PDE4D: variants seen among roughly 807,000 people sequenced by gnomAD.
The protein encoded by PDE4D is phosphodiesterase 4D.
In PDE4D, 24 loss-of-function variants were observed where a neutral mutation model predicts 87.4. The ratio of observed to expected loss-of-function variants is 0.27; its 90% CI spans 0.20 to 0.39. The LOEUF (loss-of-function observed/expected upper bound fraction) is 0.39, where lower values mean the gene tolerates loss of function less well. PDE4D is among the 10% of genes least tolerant of loss of function. The pLI is 1.00. For missense variants in PDE4D, 714 were observed against 1,041.0 expected, an observed-to-expected ratio of 0.69 and a Z score of 4.32; for synonymous variants, 384 against 383.2, an observed-to-expected ratio of 1.00 and a Z score of -0.02.
chr5:59,544,062 A>G (rs955849567), intron 1 of PDE4D, among the ~76,000 whole-genome samples: 16 of 152,194 alleles, frequency 1.1e-4, no homozygotes, highest in Non-Finnish European at 2.2e-4. Flanking sequence ...TGTGGCAACA[A>G]AATGCTACAT....
intron 1 of PDE4D, among the ~76,000 whole-genome samples, chr5:60,345,907 C>A (rs1295791513): frequency 2.6e-5 from 4 of 152,006 alleles, no homozygotes; most frequent in Non-Finnish European, 5.9e-5. Context: ...ATCCAAATTT[C>A]TATTTAAATG....
intron 2 of PDE4D, among the ~76,000 whole-genome samples, chr5:60,018,362 C>T (rs1236132244): frequency 6.6e-6 from 1 of 152,088 alleles, no homozygotes; most frequent in Non-Finnish European, 1.5e-5. Context: ...AAAGGAGAAA[C>T]CATTACAAAC....
intron 2 of PDE4D, among the ~76,000 whole-genome samples, chr5:60,157,703 AG>A (rs1282107830): frequency 6.6e-6 from 1 of 152,162 alleles, no homozygotes; most frequent in Non-Finnish European, 1.5e-5. Context: ...TAAACTTCCT[AG>A]ATTTCATGGT....
chr5:59,237,785 GTGTGTGTGT>G (rs1561783023), intron 1 of PDE4D, among the ~76,000 whole-genome samples: 13,330 of 146,868 alleles, frequency 0.091, 726 homozygotes, highest in South Asian at 0.2. Flanking sequence ...TCATATAGGT[GTGTGTGTGT>G]GTGTGTGTGT....
chr5:59,317,210 T>G (rs1221752757), intron 1 of PDE4D, among the ~76,000 whole-genome samples: 1 of 152,178 alleles, frequency 6.6e-6, no homozygotes, highest in Non-Finnish European at 1.5e-5. Flanking sequence ...GGGCACCAGT[T>G]GGCAAGAAGG....
chr5:59,953,565 A>C (rs908936019), intron 3 of PDE4D, among the ~76,000 whole-genome samples: 1 of 152,206 alleles, frequency 6.6e-6, no homozygotes, highest in Non-Finnish European at 1.5e-5. Flanking sequence ...ATTCTTCAGT[A>C]AGCTTGTAAA....
At chr5:59,265,262 C>T (rs933736282) in intron 1 of PDE4D, among the ~76,000 whole-genome samples, 3 of 151,962 alleles carry the variant, frequency 2.0e-5, no homozygotes, top group Non-Finnish European at 4.4e-5. Context: ...AGAGGGTTCT[C>T]ATTGAGTTTT....
rs758187922 is a variant in PDE4D at position 59,933,207 on chromosome 5, AG to A, written c.272+55280del. On this transcript the variant is annotated intron_variant, in intron 3 of 16. Coordinates refer to the PDE4D transcript ENST00000502484. Reference sequence around the variant, plus strand: ...GATTTGATTGCTAGCACTAAGGCAGAGGAAAACATTACAGTTTGAGAAGATA... The same window carrying A: ...GATTTGATTGCTAGCACTAAGGCAGAGAAAACATTACAGTTTGAGAAGATA... Among the ~76,000 whole-genome samples, 3 of 152,238 alleles carry A rather than the reference AG, an allele frequency of 2.0e-5. No homozygotes were observed. In the East Asian group the frequency reaches 5.8e-4, roughly 29 times the overall value.
intron 1 of PDE4D, among the ~76,000 whole-genome samples, chr5:59,838,156 A>C (rs1233756586): frequency 6.6e-6 from 1 of 152,092 alleles, no homozygotes; most frequent in Non-Finnish European, 1.5e-5. Context: ...TTCTGATGAT[A>C]CTGGAAGAAG....
chr5:60,193,951 A>G (rs1740893042), intron 1 of PDE4D, among the ~76,000 whole-genome samples: 1 of 151,134 alleles, frequency 6.6e-6, no homozygotes, highest in South Asian at 2.1e-4. Flanking sequence ...TTCTCCTCCT[A>G]TGAGGAGTCC....
intron 1 of PDE4D, among the ~76,000 whole-genome samples, chr5:60,356,976 CA>C (rs1306790901): frequency 1.3e-5 from 2 of 152,084 alleles, no homozygotes; most frequent in Non-Finnish European, 2.9e-5. Context: ...CTACTAGCTC[CA>C]ATGTCATAAA....
chr5:59,237,796 T>G lies in PDE4D; in HGVS notation c.456-21828A>C, dbSNP rs1282026959. Among the ~76,000 whole-genome samples, 58 of 69,700 alleles carry G rather than the reference T, an allele frequency of 8.3e-4. 1 individual carries two copies. Among genetic ancestry groups the G allele is most frequent in the East Asian group, 2.2e-4 (1 of 4,472 alleles). 45.7% of individuals were successfully genotyped at this position (69,700 alleles called of 152,430 possible). On this transcript the variant is annotated intron_variant, in intron 1 of 14. Transcript: ENST00000340635. ...GCCCTCATATAGGTGTGTGTGTGTG[T>G]GTGTGTGTGTGTGTGTGTGTGTGTG... is the stretch of plus-strand genomic sequence containing the variant.
intron 2 of PDE4D, among the ~76,000 whole-genome samples, chr5:60,070,683 G>C (rs1408923641): frequency 6.6e-6 from 1 of 151,952 alleles, no homozygotes; most frequent in Non-Finnish European, 1.5e-5. Context: ...TCTGACTTTA[G>C]TATCAGAGTA....
intron 1 of PDE4D, among the ~76,000 whole-genome samples, chr5:59,574,113 TATATAA>T (rs1481876274): frequency 1.0e-3 from 5 of 4,982 alleles, no homozygotes; most frequent in Admixed American, 7.0e-3. Flanking sequence ...TTTATATATA[TATATAA>T]ATATATATTT....
intron 5 of PDE4D, among the ~76,000 whole-genome samples, chr5:59,156,318 A>ATATAT (rs530343458): frequency 7.0e-4 from 15 of 21,308 alleles, no homozygotes; most frequent in African/African-American, 3.0e-3. Context: ...AGAAAAAAAA[A>ATATAT]AAATATATAT....
At position 59,187,937 on chromosome 5, in the gene PDE4D, C is replaced by T. The variant is rs554585141; in HGVS notation, c.685-2675G>A. ...TTGTCTTGGGCCTCGCTGACTGACTCTTGGTGTCGTCATCACTGTTATCAC... is the reference window on the plus strand; with the variant it reads ...TTGTCTTGGGCCTCGCTGACTGACTTTTGGTGTCGTCATCACTGTTATCAC... On this transcript the variant is annotated intron_variant, in intron 3 of 14. Coordinates refer to ENST00000340635, the MANE Select transcript of PDE4D (RefSeq NM_001104631.2). Among the ~76,000 whole-genome samples, 3 of 152,140 alleles carry T rather than the reference C, an allele frequency of 2.0e-5. No individual in the cohort carries two copies. The East Asian group carries it at 5.8e-4, about 29-fold the overall frequency.
rs869049151 is a variant in PDE4D, at chr5:59,762,184, ATGTATATGGGTACACATATGCGTATATG to A, written c.455+130956_455+130983del. Among the ~76,000 whole-genome samples, 992 of 139,266 alleles carry A rather than the reference ATGTATATGGGTACACATATGCGTATATG, an allele frequency of 7.1e-3. 151 individuals carry two copies. The highest frequency in any genetic ancestry group is 0.016 in the Middle Eastern group (4 of 248). 91.4% of individuals were successfully genotyped at this position (139,266 alleles called of 152,430 possible). A position where few individuals can be genotyped will look rare whatever the true frequency, so the allele number is the denominator to read the frequency against. On this transcript the variant is annotated intron_variant, in intron 1 of 14. Coordinates refer to ENST00000340635, the MANE Select transcript of PDE4D (RefSeq NM_001104631.2). Reference sequence around the variant, plus strand: ...TATATATAGGTACACAGGTATATATATGTATATGGGTACACATATGCGTATATGTGTATATGGGTACACATATGCGTAT... The same window carrying A: ...TATATATAGGTACACAGGTATATATATGTATATGGGTACACATATGCGTAT...
At chr5:59,550,702 A>ATTTT (rs199730901) in intron 1 of PDE4D, among the ~76,000 whole-genome samples, 17 of 146,294 alleles carry the variant, frequency 1.2e-4, no homozygotes, top group South Asian at 2.2e-4. Flanking sequence ...ATTTCTAAGA[A>ATTTT]TTTTTTTTTT....
At chr5:59,937,749 T>C (rs973682642) in intron 3 of PDE4D, among the ~76,000 whole-genome samples, 1 of 152,202 alleles carries the variant, frequency 6.6e-6, no homozygotes, top group Non-Finnish European at 1.5e-5. Flanking sequence ...GGAACACAAA[T>C]CTGTCCATAG....
Sources: gnomAD v4.1 joint callset for allele counts (sites outside exome capture counted in the v4.1 genomes callset) on GRCh38, gnomAD v4.1.1 for gene constraint, MANE v1.5 for transcripts, NCBI Gene and HGNC (gene_info 2026-07-23, HGNC 2026-07-21) for gene names.